MALRD1: variants seen among roughly 807,000 people sequenced by gnomAD.
MALRD1 encodes MAM and LDL-receptor class A domain-containing protein 1.
MALRD1 carries 247 observed loss-of-function variants against 242.1 expected under a neutral mutation model. The observed-to-expected ratio is 1.02, with a 90% confidence interval of 0.92 to 1.13. MALRD1 has a LOEUF of 1.13. MALRD1 is among the 50% of genes most tolerant of loss of function. MALRD1 has a pLI of 0.00. For missense variants in MALRD1, 2,989 were observed against 2,533.1 expected (o/e 1.18, Z -3.86); for synonymous variants, 995 against 866.6 (o/e 1.15, Z -2.60).
At chr10:19,713,339 C>A (rs1834230792) in intron 38 of MALRD1, among the ~76,000 whole-genome samples, 1 of 152,130 alleles carries the variant, frequency 6.6e-6, no homozygotes, top group African/African-American at 2.4e-5. Flanking sequence ...CAGATAAGAC[C>A]AAAACCATAC....
At chr10:19,266,829 AC>A (rs1164078930) in intron 19 of MALRD1, among the ~76,000 whole-genome samples, 1 of 151,986 alleles carries the variant, frequency 6.6e-6, no homozygotes, top group Non-Finnish European at 1.5e-5. Flanking sequence ...GTTGTCTATT[AC>A]CTGAGGAGAC....
chr10:19,341,492 A>ATGTATATATGTATATATATG (rs1843861920), intron 24 of MALRD1, among the ~76,000 whole-genome samples: 1 of 139,562 alleles, frequency 7.2e-6, no homozygotes, highest in African/African-American at 2.6e-5. Flanking sequence ...GTGTATATAT[A>ATGTATATATGTATATATATG]TGTATATATG....
chr10:19,336,534 T>G (rs1312130673), intron 24 of MALRD1, among the ~76,000 whole-genome samples: 1 of 152,184 alleles, frequency 6.6e-6, no homozygotes, highest in East Asian at 1.9e-4. Flanking sequence ...TTTGATGGGT[T>G]AAAGTCACCT....
chr10:19,607,889 G>A lies in MALRD1; in HGVS notation c.6057G>A (p.Glu2019=). 6.5e-7 allele frequency: 1 copy of A among 1,549,666 alleles called. No individual in the cohort carries two copies. The highest frequency in any genetic ancestry group is 1.2e-5 in the South Asian group (1 of 84,032). Residue 2019 remains glutamate (E), a synonymous_variant, in exon 35 of 40, where the codon GAG becomes GAA. Coordinates refer to ENST00000454679, the MANE Select transcript of MALRD1 (RefSeq NM_001142308.3). The stretch of plus-strand genomic sequence containing the variant: ...ACTGCATGGATTTCCAGCTTGATGA[G>A]TCCAGCTGCTCCGGTACCCCATTTC... The part of the protein sequence containing the change: ...FADCMDFQLD[E]SSCSECPLNY...
intron 33 of MALRD1, among the ~76,000 whole-genome samples, chr10:19,589,517 C>G (rs1036783898): frequency 3.9e-5 from 6 of 152,140 alleles, no homozygotes; most frequent in Non-Finnish European, 8.8e-5. Context: ...TTGAGAAACA[C>G]TCCCTAAAGC....
intron 28 of MALRD1, among the ~76,000 whole-genome samples, chr10:19,416,596 A>G (rs1564322018): frequency 6.6e-6 from 1 of 151,936 alleles, no homozygotes; most frequent in Non-Finnish European, 1.5e-5. Context: ...GTTTGGCAAC[A>G]AAAGTCAACT....
At chr10:19,444,126 G>T (rs1274061613) in intron 28 of MALRD1, among the ~76,000 whole-genome samples, 1 of 152,046 alleles carries the variant, frequency 6.6e-6, no homozygotes, top group Non-Finnish European at 1.5e-5. Context: ...GACTAGGATT[G>T]CAACCCCTGC....
intron 38 of MALRD1, among the ~76,000 whole-genome samples, chr10:19,722,904 G>A (rs981886995): frequency 1.3e-5 from 2 of 152,104 alleles, no homozygotes; most frequent in African/African-American, 4.8e-5. Flanking sequence ...AAGCTCTAGA[G>A]GTAGGAGCCA....
At chr10:19,256,366 A>T (rs1839512333) in intron 18 of MALRD1, among the ~76,000 whole-genome samples, 1 of 152,086 alleles carries the variant, frequency 6.6e-6, no homozygotes, top group African/African-American at 2.4e-5. Flanking sequence ...TCTGTCTGCT[A>T]GTTTAGGTTT....
chr10:19,586,901 G>T (rs1026362007), intron 33 of MALRD1, among the ~76,000 whole-genome samples: 3 of 152,232 alleles, frequency 2.0e-5, no homozygotes, highest in African/African-American at 4.8e-5. Context: ...AGGACACTCC[G>T]AGCCAGGTGT....
At chr10:19,432,841 C>A (rs572243611) in intron 28 of MALRD1, among the ~76,000 whole-genome samples, 5 of 152,312 alleles carry the variant, frequency 3.3e-5, no homozygotes, top group East Asian at 1.9e-4. Context: ...CTTTCTCCCC[C>A]AAACTTGCAA....
At chr10:19,719,223 C>CATATATATATATATACATACATATAT (rs1834603231) in intron 38 of MALRD1, among the ~76,000 whole-genome samples, 1 of 76,444 alleles carries the variant, frequency 1.3e-5, no homozygotes, top group Non-Finnish European at 2.4e-5. Context: ...CACATACATA[C>CATATATATATATATACATACATATAT]ATATATATAT....
At chr10:19,455,739 T>C (rs1835615054) in intron 29 of MALRD1, among the ~76,000 whole-genome samples, 1 of 152,224 alleles carries the variant, frequency 6.6e-6, no homozygotes, top group Non-Finnish European at 1.5e-5. Flanking sequence ...TTCTGTTTTG[T>C]TCCTTCATTT....
chr10:19,453,750 CT>C (rs1333863233), intron 29 of MALRD1, among the ~76,000 whole-genome samples: 1 of 151,994 alleles, frequency 6.6e-6, no homozygotes, highest in Non-Finnish European at 1.5e-5. Context: ...GTGGCACATG[CT>C]TGTAATCCCA....
intron 36 of MALRD1, among the ~76,000 whole-genome samples, chr10:19,691,117 C>T (rs1842799362): frequency 6.6e-6 from 1 of 151,980 alleles, no homozygotes; most frequent in African/African-American, 2.4e-5. Context: ...CAAATGAGGA[C>T]TGACAAGGAA....
chr10:19,536,130 T>C (rs936922508), intron 32 of MALRD1, among the ~76,000 whole-genome samples: 1 of 152,120 alleles, frequency 6.6e-6, no homozygotes, highest in Non-Finnish European at 1.5e-5. Context: ...TACACTTCCC[T>C]AGCTGCTTTA....
At chr10:19,244,292 G>A (rs1474019014) in intron 18 of MALRD1, among the ~76,000 whole-genome samples, 1 of 152,114 alleles carries the variant, frequency 6.6e-6, no homozygotes, top group East Asian at 1.9e-4. Flanking sequence ...AAGTTTAGTT[G>A]CTGGGCGTAG....
chr10:19,473,725 T>C (rs7077318), intron 29 of MALRD1, among the ~76,000 whole-genome samples: 131,112 of 152,126 alleles, frequency 0.86, 56,669 homozygotes, highest in East Asian at 1. Context: ...GTTTATCTGT[T>C]AATGGACACT....
Position 19,692,341 on chromosome 10 carries a change from A to G in MALRD1, c.6197A>G (p.Asp2066Gly), listed in dbSNP as rs1241764424. The G allele has an allele frequency of 6.5e-7, 1 of 1,535,438 alleles. No homozygotes were observed. Among genetic ancestry groups the G allele is most frequent in the East Asian group, 2.4e-5 (1 of 40,852 alleles). Reference protein sequence around the residue: ...CHIKFNPPATDFTYAQNNTWT... With the variant: ...CHIKFNPPATGFTYAQNNTWT... The stretch of plus-strand genomic sequence containing the variant: ...ATCAAGTTTAATCCTCCTGCTACAG[A>G]CTTCACATACGCTCAGAATAGTAGG... The change falls in exon 37 of 40, where the codon GAC (aspartate) becomes GGC (glycine). Residue 2066 changes from aspartate to glycine, a missense_variant. Transcript: ENST00000454679.
Sources: gnomAD v4.1 joint callset for allele counts (sites outside exome capture counted in the v4.1 genomes callset) on GRCh38, gnomAD v4.1.1 for gene constraint, MANE v1.5 for transcripts, NCBI Gene and HGNC (gene_info 2026-07-23, HGNC 2026-07-21) for gene names.